Variants in NAA11 observed in about 807,000 individuals in gnomAD.
NAA11 encodes N-alpha-acetyltransferase 11, NatA catalytic subunit, also known as N-alpha-acetyltransferase 11.
A neutral mutation model predicts 16.1 loss-of-function variants in NAA11; 15 were observed. The ratio of observed to expected loss-of-function variants is 0.93; its 90% CI spans 0.62 to 1.44. The LOEUF is 1.44. Ranked by LOEUF, NAA11 falls within the 40% of genes most tolerant of loss-of-function variation. The pLI is 0.00. For synonymous variants in NAA11, 122 were observed against 112.4 expected (o/e 1.09, Z -0.54); for missense variants, 298 against 291.3 (o/e 1.02, Z -0.17).
chr4:79,275,849 C>T (rs889707021), intron 2 of NAA11, among the ~76,000 whole-genome samples: 1 of 152,054 alleles, frequency 6.6e-6, no homozygotes, highest in Non-Finnish European at 1.5e-5. Flanking sequence ...CTGTAAGCAA[C>T]ATCGTAAATG....
At chr4:79,235,749 G>T (rs1201970166) in intron 2 of NAA11, among the ~76,000 whole-genome samples, 1 of 151,976 alleles carries the variant, frequency 6.6e-6, no homozygotes, top group Non-Finnish European at 1.5e-5. Context: ...ATAAATGTGT[G>T]GTAATTGGAT....
At chr4:79,209,914 C>T in the NAA11 span, among the ~76,000 whole-genome samples, 7 of 152,006 alleles carry the variant, frequency 4.6e-5, no homozygotes, top group South Asian at 4.2e-4. Context: ...GGCGTGGTGG[C>T]GCACACCTGT....
chr4:79,246,514 AT>A (rs1318331343), intron 2 of NAA11, among the ~76,000 whole-genome samples: 3 of 152,174 alleles, frequency 2.0e-5, no homozygotes, highest in Admixed American at 2.0e-4. Flanking sequence ...AAAAAGAAAA[AT>A]TTAGTGGTAT....
chr4:79,180,404 C>G, the NAA11 span, among the ~76,000 whole-genome samples: 1 of 151,980 alleles, frequency 6.6e-6, no homozygotes, highest in Non-Finnish European at 1.5e-5. Context: ...AACAAACAAC[C>G]CCATCAAAAA....
intron 1 of NAA11, 31 bp downstream of exon 1, chr4:79,325,145 A>C: frequency 6.6e-7 from 1 of 1,519,280 alleles, no homozygotes; most frequent in Non-Finnish European, 8.9e-7. Context: ...ATTTAGGAGA[A>C]GGGGGTACTG....
chr4:79,281,796 T>C (rs1185557151), intron 2 of NAA11, among the ~76,000 whole-genome samples: 1 of 152,054 alleles, frequency 6.6e-6, no homozygotes, highest in Non-Finnish European at 1.5e-5. Context: ...TTAGTTTCTG[T>C]TTCTGATTAA....
chr4:79,318,633 A>C (rs774238984), intron 1 of NAA11, among the ~76,000 whole-genome samples: 21 of 152,344 alleles, frequency 1.4e-4, no homozygotes, highest in Non-Finnish European at 2.2e-4. Context: ...GTAAGAGGTA[A>C]TACTATGTAA....
At chr4:79,240,881 A>G (rs1721676368) in intron 2 of NAA11, among the ~76,000 whole-genome samples, 1 of 152,148 alleles carries the variant, frequency 6.6e-6, no homozygotes. Context: ...TATAGCAACT[A>G]AAAAACAACA....
chr4:79,223,604 C>T (rs537284468), downstream of NAA11, among the ~76,000 whole-genome samples: 131 of 149,458 alleles, frequency 8.8e-4, no homozygotes, highest in Middle Eastern at 7.0e-3. Flanking sequence ...ATGTAACTAA[C>T]CTGCACAATG....
the NAA11 span, among the ~76,000 whole-genome samples, chr4:79,180,348 T>C: frequency 1.3e-5 from 2 of 152,194 alleles, no homozygotes; most frequent in Admixed American, 6.5e-5. Flanking sequence ...AAAATATTTT[T>C]TGTGTTCACA....
chr4:79,219,581 G>A, the NAA11 span, among the ~76,000 whole-genome samples: 1 of 152,074 alleles, frequency 6.6e-6, no homozygotes, highest in African/African-American at 2.4e-5. Flanking sequence ...TGTGCTATAT[G>A]ATATGCATTG....
At chr4:79,324,300 A>G (rs1268174682) in intron 1 of NAA11, among the ~76,000 whole-genome samples, 6 of 152,210 alleles carry the variant, frequency 3.9e-5, no homozygotes. Flanking sequence ...TAGCTCCTCT[A>G]ATAAAATTAT....
At chr4:79,252,542 A>G (rs965565951) in intron 2 of NAA11, among the ~76,000 whole-genome samples, 1 of 152,252 alleles carries the variant, frequency 6.6e-6, no homozygotes, top group Non-Finnish European at 1.5e-5. Flanking sequence ...TCAAGAAAAA[A>G]AAACATGGTA....
chr4:79,290,821 A>C (rs1045914564), intron 2 of NAA11, among the ~76,000 whole-genome samples: 2 of 152,228 alleles, frequency 1.3e-5, no homozygotes, highest in Non-Finnish European at 2.9e-5. Context: ...GATTTAATAA[A>C]GATGGAGTAA....
chr4:79,294,236 G>A (rs1263206673), intron 1 of NAA11: 2 of 152,156 alleles, frequency 1.3e-5, no homozygotes, highest in Admixed American at 1.3e-4. Context: ...AGTTGCTAAG[G>A]TTTTAGCCTA....
At chr4:79,309,076 T>A (rs72664050) in intron 1 of NAA11, among the ~76,000 whole-genome samples, 5,151 of 151,732 alleles carry the variant, frequency 0.034, 106 homozygotes, top group African/African-American at 0.046. Context: ...TTAAATCTCT[T>A]TTCTTAGGAA....
intron 1 of NAA11, among the ~76,000 whole-genome samples, chr4:79,320,479 G>A (rs1261820788): frequency 1.3e-5 from 2 of 152,162 alleles, no homozygotes; most frequent in Non-Finnish European, 2.9e-5. Context: ...CTGACCACCT[G>A]AGTTTGCATC....
At chr4:79,264,619 A>G (rs1213690873) in intron 2 of NAA11, among the ~76,000 whole-genome samples, 2 of 152,158 alleles carry the variant, frequency 1.3e-5, no homozygotes, top group African/African-American at 4.8e-5. Context: ...TCTCATGTGT[A>G]CTTCTTTATC....
At chr4:79,322,195 A>C (rs1724111283) in intron 1 of NAA11, among the ~76,000 whole-genome samples, 1 of 152,232 alleles carries the variant, frequency 6.6e-6, no homozygotes, top group Non-Finnish European at 1.5e-5. Context: ...CCAGAAGTGA[A>C]TCCTGAGGAT....
Sources: gnomAD v4.1 joint callset for allele counts (sites outside exome capture counted in the v4.1 genomes callset) on GRCh38, gnomAD v4.1.1 for gene constraint, MANE v1.5 for transcripts, NCBI Gene and HGNC (gene_info 2026-07-23, HGNC 2026-07-21) for gene names.